WWOX: variants seen among roughly 807,000 people sequenced by gnomAD.
The protein encoded by WWOX is WW domain-containing oxidoreductase.
In WWOX, 69 loss-of-function variants were observed where a neutral mutation model predicts 46.2. The ratio of observed to expected loss-of-function variants is 1.49; its 90% CI spans 1.23 to 1.82. The LOEUF is 1.82. WWOX is among the 40% of genes most tolerant of loss of function. The probability of loss-of-function intolerance (pLI) is 0.00; values close to 1 mark genes in which losing one functional copy is unlikely to be tolerated. For missense variants in WWOX, 919 were observed against 542.6 expected, an observed-to-expected ratio of 1.69 and a Z score of -6.89; for synonymous variants, 359 against 202.6, an observed-to-expected ratio of 1.77 and a Z score of -6.56.
At chr16:78,668,162 C>G (rs376889976) in intron 8 of WWOX, among the ~76,000 whole-genome samples, 1 of 152,132 alleles carries the variant, frequency 6.6e-6, no homozygotes, top group African/African-American at 2.4e-5. Flanking sequence ...TGCCTGTAAT[C>G]CCAGCTACTC....
At chr16:79,135,435 G>A (rs957486715) in intron 8 of WWOX, among the ~76,000 whole-genome samples, 1 of 151,942 alleles carries the variant, frequency 6.6e-6, no homozygotes, top group Non-Finnish European at 1.5e-5. Context: ...ATTTACTTAT[G>A]TAATAAATCT....
intron 8 of WWOX, among the ~76,000 whole-genome samples, chr16:78,493,236 T>C (rs1399799325): frequency 6.6e-6 from 1 of 152,332 alleles, no homozygotes; most frequent in East Asian, 1.9e-4. Flanking sequence ...ACACTCACTC[T>C]TTAACCATAA....
intron 8 of WWOX, among the ~76,000 whole-genome samples, chr16:78,787,797 G>T (rs1441250208): frequency 1.3e-5 from 2 of 152,106 alleles, no homozygotes; most frequent in South Asian, 2.1e-4. Flanking sequence ...GTATATGAAG[G>T]TTCCAATTTC....
chr16:78,272,373 G>T (rs1358885883), intron 5 of WWOX, among the ~76,000 whole-genome samples: 1 of 152,192 alleles, frequency 6.6e-6, no homozygotes, highest in Non-Finnish European at 1.5e-5. Flanking sequence ...AGGGCCATCA[G>T]ATTTCTTACA....
At chr16:79,042,421 CTG>C (rs746947315) in intron 8 of WWOX, among the ~76,000 whole-genome samples, 9 of 152,202 alleles carry the variant, frequency 5.9e-5, no homozygotes, top group African/African-American at 9.7e-5. Context: ...GAGACAGAGT[CTG>C]TGCTGGAGAG....
At position 79,212,007 on chromosome 16, in the gene WWOX, G is replaced by A. The variant is rs78687618; in HGVS notation, c.*211G>A. On this transcript the variant is annotated 3_prime_UTR_variant, in exon 9 of 9. Transcript: ENST00000566780. Reference sequence around the variant, plus strand: ...GTATCACTTTTCTGGGGCTGGGCTAGGCATAGGTCTCTTTGCTTTCTGGTG... The same window carrying A: ...GTATCACTTTTCTGGGGCTGGGCTAAGCATAGGTCTCTTTGCTTTCTGGTG... 77,985 of 1,536,044 alleles carry A rather than the reference G, an allele frequency of 0.051. 2,638 individuals carry two copies. Among genetic ancestry groups the A allele is most frequent in the African/African-American group, 0.16 (11,739 of 73,126 alleles).
At chr16:78,623,276 G>A (rs1186831712) in intron 8 of WWOX, among the ~76,000 whole-genome samples, 1 of 152,178 alleles carries the variant, frequency 6.6e-6, no homozygotes, top group African/African-American at 2.4e-5. Context: ...TGTACACCCT[G>A]GATAGTAGAC....
intron 8 of WWOX, chr16:78,552,419 A>C (rs2151544752): frequency 6.6e-6 from 1 of 152,326 alleles, no homozygotes; most frequent in South Asian, 2.1e-4. Flanking sequence ...GATGCTATTT[A>C]CAGTTTATAC....
intron 5 of WWOX, among the ~76,000 whole-genome samples, chr16:78,178,680 A>T (rs1033931515): frequency 4.6e-5 from 7 of 152,124 alleles, no homozygotes; most frequent in African/African-American, 9.7e-5. Flanking sequence ...AGCCTGGCAA[A>T]CATGGTGAAA....
intron 5 of WWOX, among the ~76,000 whole-genome samples, chr16:78,261,046 A>G (rs2079219814): frequency 6.6e-6 from 1 of 151,284 alleles, no homozygotes; most frequent in African/African-American, 2.4e-5. Flanking sequence ...TTAATCAAAT[A>G]TGATGTGAAG....
chr16:78,813,761 G>A (rs2051259584), intron 8 of WWOX, among the ~76,000 whole-genome samples: 3 of 152,116 alleles, frequency 2.0e-5, no homozygotes, highest in Non-Finnish European at 4.4e-5. Flanking sequence ...TTTGTCATAT[G>A]TCAGACCAGG....
At chr16:78,801,644 G>A (rs2050893426) in intron 8 of WWOX, among the ~76,000 whole-genome samples, 1 of 152,152 alleles carries the variant, frequency 6.6e-6, no homozygotes, top group African/African-American at 2.4e-5. Context: ...CCTTAACTTT[G>A]TTTCTGAATG....
At chr16:79,050,796 G>T (rs1285496551) in intron 8 of WWOX, among the ~76,000 whole-genome samples, 2 of 152,218 alleles carry the variant, frequency 1.3e-5, no homozygotes, top group African/African-American at 4.8e-5. Context: ...AAGGCCCAGA[G>T]CTTGCTTCTC....
At chr16:78,521,162 G>A (rs2043340697) in intron 8 of WWOX, among the ~76,000 whole-genome samples, 1 of 152,126 alleles carries the variant, frequency 6.6e-6, no homozygotes, top group Non-Finnish European at 1.5e-5. Flanking sequence ...CATTCCAGTG[G>A]CTTTTGGAGC....
chr16:78,178,523 G>T (rs1432335663), intron 5 of WWOX, among the ~76,000 whole-genome samples: 2 of 152,136 alleles, frequency 1.3e-5, no homozygotes, highest in African/African-American at 4.8e-5. Flanking sequence ...ATACATGTCA[G>T]TGCTAGACCA....
intron 8 of WWOX, among the ~76,000 whole-genome samples, chr16:78,610,125 A>C (rs2045865141): frequency 6.6e-6 from 1 of 152,152 alleles, no homozygotes; most frequent in Non-Finnish European, 1.5e-5. Flanking sequence ...TTCATTTTCA[A>C]GGTGTCCTCA....
At chr16:78,677,372 A>G (rs963439895) in intron 8 of WWOX, among the ~76,000 whole-genome samples, 1 of 152,212 alleles carries the variant, frequency 6.6e-6, no homozygotes, top group Non-Finnish European at 1.5e-5. Context: ...CACTGTTTAA[A>G]TAAAATTTTG....
chr16:78,356,922 T>C lies in WWOX; in HGVS notation c.517-29938T>C, dbSNP rs113161552. ...AAAAGTTCCAATACACAATATGTTA[T>C]ATGAGATCTTCACCCAATCAAGGAT... is the stretch of plus-strand genomic sequence containing the variant. On this transcript the variant is annotated intron_variant, in intron 5 of 8. Transcript: ENST00000566780. Among the ~76,000 whole-genome samples, 391 of 152,210 alleles carry C rather than the reference T, an allele frequency of 2.6e-3. 2 individuals carry two copies. The highest frequency in any genetic ancestry group is 9.1e-3 in the African/African-American group (377 of 41,520).
chr16:78,492,056 G>C (rs1409406121), intron 8 of WWOX, among the ~76,000 whole-genome samples: 1 of 152,082 alleles, frequency 6.6e-6, no homozygotes, highest in Admixed American at 6.5e-5. Context: ...GTGTGCTTTG[G>C]GGTTAGTCTC....
Sources: allele counts gnomAD v4.1 joint callset (sites outside exome capture counted in the v4.1 genomes callset), GRCh38; gene constraint gnomAD v4.1.1; transcripts MANE v1.5; gene names NCBI Gene and HGNC (gene_info 2026-07-23, HGNC 2026-07-21).